Variants in CAP2 observed in about 807,000 individuals in gnomAD.
CAP2 encodes the protein adenylyl cyclase-associated protein 2.
CAP2 carries 24 observed loss-of-function variants against 57.7 expected under a neutral mutation model. The ratio of observed to expected loss-of-function variants is 0.42; its 90% confidence interval spans 0.30 to 0.58. CAP2 has a LOEUF of 0.58. Among genes scored for constraint, CAP2 ranks in the 20% least tolerant of loss-of-function variants. The pLI is 0.22. For synonymous variants in CAP2, 194 were observed against 207.2 expected, an observed-to-expected ratio of 0.94 and a Z score of 0.55; for missense variants, 501 against 590.3, an observed-to-expected ratio of 0.85 and a Z score of 1.57.
At position 17,535,274 on chromosome 6, in the gene CAP2, C is replaced by CT. The variant is rs67286428; in HGVS notation, c.637-3978dup. On this transcript the variant is annotated intron_variant, in intron 7 of 12. Coordinates refer to ENST00000229922, the MANE Select transcript of CAP2 (RefSeq NM_006366.3). ...GACCTTCCTTTAATTTGGCTAATGA[C>CT]TTTTTTTTTTTTTTTTTGAGATGGA... Among the ~76,000 whole-genome samples, 567 of 138,794 alleles carry CT rather than the reference C, an allele frequency of 4.1e-3. 6 individuals are homozygous for CT. The highest frequency in any genetic ancestry group is 0.037 in the East Asian group (175 of 4,752). 91.1% of individuals were successfully genotyped at this position (138,794 alleles called of 152,430 possible).
At chr6:17,529,640 C>T in intron 7 of CAP2, among the ~76,000 whole-genome samples, 1 of 117,326 alleles carries the variant, frequency 8.5e-6, no homozygotes, top group African/African-American at 3.9e-5. Flanking sequence ...GACTCCGTCT[C>T]AAAAAAAAAA....
chr6:17,496,481 GT>G (rs914767970), intron 4 of CAP2, among the ~76,000 whole-genome samples: 3 of 150,340 alleles, frequency 2.0e-5, no homozygotes, highest in African/African-American at 7.4e-5. Flanking sequence ...GCTCTGTTTT[GT>G]TTTTTTTTCT....
intron 4 of CAP2, among the ~76,000 whole-genome samples, chr6:17,488,157 C>T (rs896978424): frequency 6.6e-6 from 1 of 152,200 alleles, no homozygotes; most frequent in Non-Finnish European, 1.5e-5. Context: ...ATCCTCCCAC[C>T]TCGGCCTTCC....
At chr6:17,411,721 T>C (rs1010647275) in intron 1 of CAP2, among the ~76,000 whole-genome samples, 3 of 152,132 alleles carry the variant, frequency 2.0e-5, no homozygotes, top group African/African-American at 7.2e-5. Context: ...GGAGGGAGAA[T>C]GGTTCACGAC....
At chr6:17,539,753 A>C (rs565810498) in intron 8 of CAP2, among the ~76,000 whole-genome samples, 2 of 152,312 alleles carry the variant, frequency 1.3e-5, no homozygotes, top group Admixed American at 1.3e-4. Context: ...ATCATTGTCC[A>C]CAACCAAGGC....
intron 4 of CAP2, among the ~76,000 whole-genome samples, chr6:17,463,460 A>G (rs1032518931): frequency 1.3e-5 from 2 of 152,212 alleles, no homozygotes; most frequent in Admixed American, 1.3e-4. Context: ...GGAAATGTTT[A>G]TAACTAATTT....
intron 2 of CAP2, among the ~76,000 whole-genome samples, chr6:17,422,076 T>G (rs948328236): frequency 1.3e-5 from 2 of 152,194 alleles, no homozygotes; most frequent in African/African-American, 4.8e-5. Context: ...ATATTCATCT[T>G]TCTTTCATTT....
intron 7 of CAP2, among the ~76,000 whole-genome samples, chr6:17,535,554 G>A (rs1475421770): frequency 1.3e-5 from 2 of 151,676 alleles, no homozygotes; most frequent in Non-Finnish European, 1.5e-5. Context: ...GATTATAGGC[G>A]TGAGCCACCG....
chr6:17,432,683 A>G (rs1759767358), intron 3 of CAP2, among the ~76,000 whole-genome samples: 1 of 152,078 alleles, frequency 6.6e-6, no homozygotes, highest in Non-Finnish European at 1.5e-5. Context: ...GGAAGCATTT[A>G]AAAGTCATCT....
At chr6:17,516,119 C>T (rs1762271076) in intron 7 of CAP2, among the ~76,000 whole-genome samples, 1 of 152,216 alleles carries the variant, frequency 6.6e-6, no homozygotes, top group African/African-American at 2.4e-5. Flanking sequence ...CTTTAAGAAA[C>T]TTCCATTGAT....
intron 4 of CAP2, among the ~76,000 whole-genome samples, chr6:17,484,359 A>G (rs954653966): frequency 7.2e-5 from 11 of 152,102 alleles, no homozygotes; most frequent in African/African-American, 2.7e-4. Flanking sequence ...TGTGTCATGA[A>G]TTGTTGGAAC....
intron 1 of CAP2, among the ~76,000 whole-genome samples, chr6:17,417,901 C>G (rs1424391076): frequency 6.6e-6 from 1 of 152,184 alleles, no homozygotes; most frequent in East Asian, 1.9e-4. Flanking sequence ...GTCTATCCCC[C>G]TGGCTCTGAC....
intron 4 of CAP2, among the ~76,000 whole-genome samples, chr6:17,497,220 T>G (rs1761690168): frequency 1.3e-5 from 2 of 152,238 alleles, no homozygotes. Flanking sequence ...TTTTTGTCCC[T>G]AGGGATTACT....
intron 3 of CAP2, among the ~76,000 whole-genome samples, chr6:17,431,147 C>G (rs1043127825): frequency 6.6e-5 from 10 of 152,096 alleles, no homozygotes; most frequent in African/African-American, 2.4e-4. Context: ...AGTGGGCCAA[C>G]TGGAGGGTGG....
At chr6:17,556,330 A>G (rs1763313827) in intron 12 of CAP2, 29 bp from the exon 13 acceptor site, 1 of 1,502,874 alleles carries the variant, frequency 6.7e-7, no homozygotes, top group African/African-American at 1.4e-5. Context: ...TGTAGTTTAA[A>G]TAACTTTGTT....
At chr6:17,531,250 T>G in intron 7 of CAP2, 5 of 800,976 alleles carry the variant, frequency 6.2e-6, no homozygotes, top group Non-Finnish European at 1.1e-5. Flanking sequence ...CTCAGCATGT[T>G]AACTGAAGCC....
intron 1 of CAP2, among the ~76,000 whole-genome samples, chr6:17,415,639 T>C (rs1046988174): frequency 1.3e-5 from 2 of 152,114 alleles, no homozygotes; most frequent in African/African-American, 4.8e-5. Context: ...CAGTGGGAGA[T>C]GCAAAGAAGA....
chr6:17,418,265 T>G (rs1296909858), intron 1 of CAP2, among the ~76,000 whole-genome samples: 1 of 152,210 alleles, frequency 6.6e-6, no homozygotes, highest in East Asian at 1.9e-4. Context: ...TATTTATTCT[T>G]CAGTTTATCT....
At chr6:17,480,763 G>C (rs1384691252) in intron 4 of CAP2, among the ~76,000 whole-genome samples, 1 of 147,564 alleles carries the variant, frequency 6.8e-6, no homozygotes, top group Non-Finnish European at 1.5e-5. Flanking sequence ...TGCTAAATGT[G>C]GTTTTTTTGG....
Sources: allele counts gnomAD v4.1 joint callset (sites outside exome capture counted in the v4.1 genomes callset), GRCh38; gene constraint gnomAD v4.1.1; transcripts MANE v1.5; gene names NCBI Gene and HGNC (gene_info 2026-07-23, HGNC 2026-07-21).